GRIN2A: variants seen among roughly 807,000 people sequenced by gnomAD.
The protein encoded by GRIN2A is glutamate ionotropic receptor NMDA type subunit 2A.
GRIN2A carries 22 observed loss-of-function variants against 113.4 expected under a neutral mutation model. The observed-to-expected ratio is 0.19, with a 90% confidence interval of 0.14 to 0.28. The LOEUF is 0.28. GRIN2A is among the 10% of genes least tolerant of loss of function. The pLI, the probability that GRIN2A is intolerant of heterozygous loss-of-function variation, is 1.00. For synonymous variants in GRIN2A, 827 were observed against 738.4 expected (o/e 1.12, Z -1.94); for missense variants, 1,502 against 1,887.0 (o/e 0.80, Z 3.78).
chr16:10,011,395 C>T (rs2046502244), intron 2 of GRIN2A, among the ~76,000 whole-genome samples: 1 of 152,152 alleles, frequency 6.6e-6, no homozygotes, highest in Non-Finnish European at 1.5e-5. Flanking sequence ...CATCAGCATC[C>T]AACCATTCTT....
chr16:10,136,127 T>C (rs2049186064), intron 2 of GRIN2A, among the ~76,000 whole-genome samples: 2 of 152,146 alleles, frequency 1.3e-5, no homozygotes, highest in African/African-American at 2.4e-5. Flanking sequence ...CCTTTTACAC[T>C]CTGCTCCACC....
chr16:9,853,057 A>G (rs1009808666), intron 4 of GRIN2A, among the ~76,000 whole-genome samples: 1 of 152,238 alleles, frequency 6.6e-6, no homozygotes, highest in African/African-American at 2.4e-5. Flanking sequence ...AGCATATAGG[A>G]GAAAAGATAT....
rs1330264997 is a variant in GRIN2A at position 10,149,621 on chromosome 16, C to T, written c.414+30377G>A. Among the ~76,000 whole-genome samples the T allele has an allele frequency of 3.3e-5, 5 of 152,274 alleles. No homozygotes were observed. In the South Asian group the frequency reaches 6.2e-4, roughly 19 times the overall value. The stretch of plus-strand genomic sequence containing the variant: ...AGCAGTCCACTTTCCAAGCACATCC[C>T]CAAACTGGTCAGTTTCACCACCTCC... On this transcript the variant is annotated intron_variant, in intron 2 of 12. Coordinates refer to ENST00000330684, the MANE Select transcript of GRIN2A (RefSeq NM_001134407.3).
chr16:9,890,943 C>A, intron 4 of GRIN2A, 43 bp downstream of exon 4: 1 of 1,239,558 alleles, frequency 8.1e-7, no homozygotes, highest in Non-Finnish European at 1.2e-6. Flanking sequence ...ATTGCCCATG[C>A]TTTCTTCCCT....
intron 2 of GRIN2A, among the ~76,000 whole-genome samples, chr16:10,064,601 T>C (rs746503239): frequency 3.3e-5 from 5 of 152,204 alleles, no homozygotes; most frequent in Non-Finnish European, 7.3e-5. Flanking sequence ...CCTCACATTT[T>C]CCTCTAATGC....
intron 2 of GRIN2A, among the ~76,000 whole-genome samples, chr16:10,037,479 A>G (rs977717426): frequency 6.6e-6 from 1 of 152,156 alleles, no homozygotes; most frequent in South Asian, 2.1e-4. Context: ...CATTCTAAAA[A>G]GTATATTGGA....
rs1402480462 is a variant in GRIN2A at position 9,913,436 on chromosome 16, G to A, written c.1008-22336C>T. On this transcript the variant is annotated intron_variant, in intron 3 of 12. Transcript: ENST00000330684. ...AAGATTTATAGACATTTGCTACAAC[G>A]CATTGTGCAACCTTGTATTTTAGGT... Among the ~76,000 whole-genome samples, 9 of 152,204 alleles carry A rather than the reference G, an allele frequency of 5.9e-5. No homozygotes were observed. In the South Asian group the frequency reaches 8.3e-4, roughly 14 times the overall value.
chr16:10,145,505 G>C (rs9940534), intron 2 of GRIN2A, among the ~76,000 whole-genome samples: 1 of 131,630 alleles, frequency 7.6e-6, no homozygotes, highest in African/African-American at 2.8e-5. Context: ...TGTCAATGCA[G>C]CTGTTTTTAA....
At chr16:10,000,540 C>T (rs2046301619) in intron 2 of GRIN2A, among the ~76,000 whole-genome samples, 1 of 151,838 alleles carries the variant, frequency 6.6e-6, no homozygotes, top group African/African-American at 2.4e-5. Flanking sequence ...TTCTAAAGCA[C>T]TATTAATAGT....
intron 4 of GRIN2A, among the ~76,000 whole-genome samples, chr16:9,881,053 G>A (rs1437700596): frequency 6.6e-6 from 1 of 152,104 alleles, no homozygotes; most frequent in Non-Finnish European, 1.5e-5. Flanking sequence ...ATAAGTGTGT[G>A]AATAAATATG....
intron 2 of GRIN2A, among the ~76,000 whole-genome samples, chr16:10,069,572 T>C (rs777279212): frequency 6.6e-6 from 1 of 152,234 alleles, no homozygotes; most frequent in Non-Finnish European, 1.5e-5. Flanking sequence ...ACCCACCTCG[T>C]GCTGCAGTAG....
intron 3 of GRIN2A, among the ~76,000 whole-genome samples, chr16:9,904,938 C>G (rs1053622803): frequency 2.0e-5 from 3 of 152,194 alleles, no homozygotes; most frequent in Non-Finnish European, 4.4e-5. Context: ...TCCCAGTTGT[C>G]CCAGCACTGA....
chr16:9,764,904 C>A lies in GRIN2A; in HGVS notation c.2640G>T (p.Lys880Asn), dbSNP rs778938265. ...CIHGVHIEEK[K>N]KSPDFNLTGS... ...CCGTCAGATTGAAGTCTGGAGACTTCTTCTTTTCTTCAATGTGCACTCCAT... is the reference window on the plus strand; with the variant it reads ...CCGTCAGATTGAAGTCTGGAGACTTATTCTTTTCTTCAATGTGCACTCCAT... Residue 880 changes from lysine to asparagine, a missense_variant, in exon 13 of 13, where the codon AAG becomes AAT. Transcript: ENST00000330684. 1 of 1,614,120 alleles carries A rather than the reference C, an allele frequency of 6.2e-7. No individual in the cohort carries two copies. The highest frequency in any genetic ancestry group is 1.1e-5 in the South Asian group (1 of 91,080).
chr16:9,998,597 C>A (rs1308291698), intron 2 of GRIN2A, among the ~76,000 whole-genome samples: 1 of 152,184 alleles, frequency 6.6e-6, no homozygotes, highest in African/African-American at 2.4e-5. Context: ...TGCCAGATCA[C>A]AAAGTATGCT....
chr16:10,068,340 C>T lies in GRIN2A; in HGVS notation c.414+111658G>A, dbSNP rs146686804. ...GACGTTTAATTGGCTCACAGTTCTG[C>T]AGGCTTTACAGGAAACATGGTACTG... On this transcript the variant is annotated intron_variant, in intron 2 of 12. Coordinates refer to ENST00000330684, the MANE Select transcript of GRIN2A (RefSeq NM_001134407.3). Among the ~76,000 whole-genome samples the T allele has an allele frequency of 6.4e-3, 970 of 152,308 alleles. 5 individuals are homozygous for T. Among genetic ancestry groups the T allele is most frequent in the African/African-American group, 0.023 (939 of 41,566 alleles).
chr16:10,094,397 T>C (rs1026866592), intron 2 of GRIN2A, among the ~76,000 whole-genome samples: 1 of 152,150 alleles, frequency 6.6e-6, no homozygotes, highest in African/African-American at 2.4e-5. Flanking sequence ...CATGAGGGGA[T>C]TTTTTTAGAA....
chr16:9,970,018 C>G (rs2045639561), intron 2 of GRIN2A, among the ~76,000 whole-genome samples: 1 of 152,196 alleles, frequency 6.6e-6, no homozygotes, highest in African/African-American at 2.4e-5. Context: ...GAATCTTATA[C>G]ACACTACAGT....
chr16:10,066,562 C>T (rs561124532), intron 2 of GRIN2A, among the ~76,000 whole-genome samples: 1 of 152,282 alleles, frequency 6.6e-6, no homozygotes, highest in African/African-American at 2.4e-5. Flanking sequence ...TAAGACCTCA[C>T]TCACAATCAC....
intron 2 of GRIN2A, among the ~76,000 whole-genome samples, chr16:10,097,393 A>G (rs1212450366): frequency 2.0e-5 from 3 of 152,210 alleles, no homozygotes; most frequent in Non-Finnish European, 2.9e-5. Flanking sequence ...TCCCTGTGAA[A>G]TCTTCACCCT....
Sources: allele counts gnomAD v4.1 joint callset (sites outside exome capture counted in the v4.1 genomes callset), GRCh38; gene constraint gnomAD v4.1.1; transcripts MANE v1.5; gene names NCBI Gene and HGNC (gene_info 2026-07-23, HGNC 2026-07-21).